Variants in CDH23 observed in about 807,000 individuals in gnomAD.
CDH23 encodes the protein cadherin related 23.
In CDH23, 189 loss-of-function variants were observed where a neutral mutation model predicts 317.1. That is an observed-to-expected ratio of 0.60 (90% confidence interval 0.53 to 0.67). The LOEUF (loss-of-function observed/expected upper bound fraction) is 0.67. Among genes scored for constraint, CDH23 ranks in the 30% least tolerant of loss-of-function variants. The probability of loss-of-function intolerance (pLI) is 0.00; values close to 1 mark genes in which losing one functional copy is unlikely to be tolerated. For missense variants in CDH23, 4,401 were observed against 4,592.4 expected (o/e 0.96, Z 1.20); for synonymous variants, 1,839 against 1,876.8 (o/e 0.98, Z 0.52).
chr10:71,714,435 A>C (rs1462582757), intron 28 of CDH23: 1 of 152,280 alleles, frequency 6.6e-6, no homozygotes, highest in East Asian at 1.9e-4. Context: ...AAGAGAAGAC[A>C]TAGACAAAAA....
At chr10:71,520,328 A>T (rs1854598280) in intron 6 of CDH23, among the ~76,000 whole-genome samples, 1 of 152,238 alleles carries the variant, frequency 6.6e-6, no homozygotes, top group Admixed American at 6.5e-5. Flanking sequence ...ATCAAGAAAC[A>T]GCTGGTAATA....
intron 3 of CDH23, among the ~76,000 whole-genome samples, chr10:71,500,816 TTTCTC>T (rs1217558607): frequency 8.6e-6 from 1 of 115,698 alleles, no homozygotes; most frequent in East Asian, 2.4e-4. Flanking sequence ...TTTCTTTTCT[TTTCTC>T]TTTCCTTTCC....
rs573167420 is a variant in CDH23, at chr10:71,578,930, G to A, written c.832+938G>A. ...AGCATCCTGCCCCTAAAGCTCAGAG[G>A]ACAGCAAAGCATAGTGATCAAGAAC... is the stretch of plus-strand genomic sequence containing the variant. On this transcript the variant is annotated intron_variant, in intron 9 of 69. Transcript: ENST00000224721. Among the ~76,000 whole-genome samples the A allele has an allele frequency of 4.6e-5, 7 of 152,304 alleles. No individual in the cohort carries two copies. In the South Asian group the frequency reaches 1.0e-3, roughly 23 times the overall value.
chr10:71,472,657 A>G (rs1470722423), intron 3 of CDH23, among the ~76,000 whole-genome samples: 1 of 152,158 alleles, frequency 6.6e-6, no homozygotes, highest in African/African-American at 2.4e-5. Flanking sequence ...CAGATACTCC[A>G]CAGCGAAGCG....
chr10:71,630,474 G>T (rs1019280080), intron 11 of CDH23, among the ~76,000 whole-genome samples: 3 of 152,196 alleles, frequency 2.0e-5, no homozygotes, highest in African/African-American at 7.2e-5. Flanking sequence ...TGTTTTGAAG[G>T]GAGAGTCAAT....
chr10:71,521,689 C>T (rs1854693666), intron 6 of CDH23, among the ~76,000 whole-genome samples: 1 of 152,240 alleles, frequency 6.6e-6, no homozygotes, highest in Non-Finnish European at 1.5e-5. Context: ...ATAAGCAAGC[C>T]AAGTGCTAGA....
rs573967267 is a variant in CDH23, at chr10:71,484,850, T to C, written c.146-25232T>C. Among the ~76,000 whole-genome samples, 13 of 152,196 alleles carry C rather than the reference T, an allele frequency of 8.5e-5. 1 individual carries two copies. The East Asian group carries it at 1.5e-3, about 18-fold the overall frequency. On this transcript the variant is annotated intron_variant, in intron 3 of 69. Coordinates refer to ENST00000224721, the MANE Select transcript of CDH23 (RefSeq NM_022124.6). ...ACAAATAGGTGTTGACTTTCTCCTATGCATTGATGTCTGTAAAATGGGGAC... is the reference window on the plus strand; with the variant it reads ...ACAAATAGGTGTTGACTTTCTCCTACGCATTGATGTCTGTAAAATGGGGAC...
intron 1 of CDH23, among the ~76,000 whole-genome samples, chr10:71,420,334 A>G (rs897656482): frequency 2.6e-5 from 4 of 151,062 alleles, no homozygotes; most frequent in African/African-American, 7.3e-5. Context: ...CGCTCCCAGA[A>G]GTTGTCCTTT....
intron 9 of CDH23, among the ~76,000 whole-genome samples, chr10:71,591,034 A>G (rs1174390613): frequency 6.6e-6 from 1 of 152,090 alleles, no homozygotes; most frequent in Non-Finnish European, 1.5e-5. Flanking sequence ...ATAAATGGAA[A>G]CTGAAAATGT....
At chr10:71,631,459 G>A (rs753763417) in intron 11 of CDH23, among the ~76,000 whole-genome samples, 2 of 152,206 alleles carry the variant, frequency 1.3e-5, no homozygotes, top group Non-Finnish European at 2.9e-5. Context: ...TTGAGGCGAA[G>A]GAGGGAGTGG....
intron 3 of CDH23, among the ~76,000 whole-genome samples, chr10:71,472,388 C>T (rs2132090750): frequency 6.6e-6 from 1 of 152,350 alleles, no homozygotes; most frequent in African/African-American, 2.4e-5. Context: ...GGTCACCACA[C>T]CGCCCTGTTT....
intron 49 of CDH23, 127 bp from the exon 50 acceptor site, chr10:71,798,227 C>G: frequency 1.4e-6 from 1 of 694,792 alleles, no homozygotes; most frequent in Non-Finnish European, 2.6e-6. Context: ...TCAGGTCAAT[C>G]CTCAGGCAGC....
intron 18 of CDH23, among the ~76,000 whole-genome samples, chr10:71,683,988 G>A (rs1429893326): frequency 4.6e-5 from 7 of 152,058 alleles, no homozygotes; most frequent in Non-Finnish European, 1.5e-5. Flanking sequence ...GGCTGAGGCA[G>A]GAGAATCGTT....
chr10:71,725,239 T>C lies in CDH23; in HGVS notation c.3431-133T>C, dbSNP rs12263420. The stretch of plus-strand genomic sequence containing the variant: ...CCAGCTTCCTCTCCACTGTGAATTC[T>C]GTGTCCCAGAAGACCCGCAGCCTCC... On this transcript the variant is annotated intron_variant, in intron 29 of 69. Coordinates refer to ENST00000224721, the MANE Select transcript of CDH23 (RefSeq NM_022124.6). The C allele has an allele frequency of 0.064, 94,938 of 1,486,276 alleles. 8,477 individuals are homozygous for C. The highest frequency in any genetic ancestry group is 0.32 in the East Asian group (13,975 of 44,256). 92.1% of individuals were successfully genotyped at this position (1,486,276 alleles called of 1,614,324 possible). A position where few individuals can be genotyped will look rare whatever the true frequency, so the allele number is the denominator to read the frequency against.
intron 14 of CDH23, among the ~76,000 whole-genome samples, chr10:71,674,061 A>C (rs1864257454): frequency 1.3e-5 from 2 of 152,264 alleles, no homozygotes; most frequent in Admixed American, 1.3e-4. Flanking sequence ...CACAAGAGGC[A>C]GCCCTATACA....
intron 49 of CDH23, 148 bp downstream of exon 49, chr10:71,797,368 A>G (rs1841431323): frequency 6.5e-6 from 4 of 618,376 alleles, no homozygotes; most frequent in Non-Finnish European, 1.2e-5. Flanking sequence ...CACAAGAGGC[A>G]TGAAAGGTGG....
chr10:71,742,208 G>T (rs531802452), intron 38 of CDH23, among the ~76,000 whole-genome samples: 158 of 152,300 alleles, frequency 1.0e-3, no homozygotes, highest in Admixed American at 2.2e-3. Context: ...GGTGGTACAG[G>T]TTGAGCCTCT....
At chr10:71,739,551 G>T in intron 35 of CDH23, 93 bp from the exon 36 acceptor site, 1 of 1,482,456 alleles carries the variant, frequency 6.7e-7, no homozygotes. Context: ...GAGGGCCCAC[G>T]TGGGCAGAGG....
At chr10:71,534,908 T>A (rs1855612594) in intron 6 of CDH23, among the ~76,000 whole-genome samples, 1 of 152,160 alleles carries the variant, frequency 6.6e-6, no homozygotes, top group African/African-American at 2.4e-5. Context: ...TTGGACAGGC[T>A]GAGGGAAGAG....
Sources: gnomAD v4.1 joint callset for allele counts (sites outside exome capture counted in the v4.1 genomes callset) on GRCh38, gnomAD v4.1.1 for gene constraint, MANE v1.5 for transcripts, NCBI Gene and HGNC (gene_info 2026-07-23, HGNC 2026-07-21) for gene names.